The following MEF2B variants were observed in gnomAD, a reference collection of about 807,000 sequenced individuals.
MEF2B encodes the protein myocyte-specific enhancer factor 2B.
A neutral mutation model predicts 32.2 loss-of-function variants in MEF2B; 15 were observed. The ratio of observed to expected loss-of-function variants is 0.47; its 90% CI spans 0.31 to 0.72. The LOEUF is 0.72. MEF2B is among the 30% of genes least tolerant of loss of function. MEF2B has a pLI of 0.05. For missense variants in MEF2B, 441 were observed against 511.5 expected (o/e 0.86, Z 1.33); for synonymous variants, 205 against 225.6 (o/e 0.91, Z 0.82).
Position 19,146,339 on chromosome 19 carries a change from G to T in MEF2B, c.815C>A (p.Pro272His). Residue 272 changes from proline to histidine, a missense_variant, in exon 8 of 9, where the codon CCC becomes CAC. Transcript: ENST00000424583. ...DPPPPPGLLQ[P>H]PTLAPWQPSR... ...GGGCTGCCAGGGGGCCAGGGTGGGG[G>T]GCTGCAACAAGCCAGGGGGCGGTGG... is the stretch of plus-strand genomic sequence containing the variant. The T allele has an allele frequency of 5.8e-6, 7 of 1,217,354 alleles. No homozygotes were observed. The highest frequency in any genetic ancestry group is 7.6e-6 in the Non-Finnish European group (7 of 924,334). The allele number at this position is 1,217,354 out of a possible 1,614,324, so 75.4% of individuals were successfully genotyped here.
rs2060026260 is a variant in MEF2B at position 19,146,364 on chromosome 19, G to T, written c.790C>A (p.Pro264Thr). Residue 264 changes from proline to threonine, a missense_variant, in exon 8 of 9, where the codon CCA becomes ACA. Pro to Thr is a conservative substitution (Grantham distance 38). This residue lies in a region of MEF2B where 326 missense variants were observed against 328.4 expected (regional missense o/e 0.99). Transcript: ENST00000424583. Reference sequence around the variant, plus strand: ...GGCTGCAACAAGCCAGGGGGCGGTGGAGGGTCTCCCAGGCCATATTCTGGT... The same window carrying T: ...GGCTGCAACAAGCCAGGGGGCGGTGTAGGGTCTCCCAGGCCATATTCTGGT... The part of the protein sequence containing the change: ...GPPEYGLGDP[P>T]PPPGLLQPPT... 2 of 1,101,516 alleles carry T rather than the reference G, an allele frequency of 1.8e-6. No homozygotes were observed. The highest frequency in any genetic ancestry group is 1.6e-5 in the African/African-American group (1 of 61,344). 68.2% of individuals were successfully genotyped at this position (1,101,516 alleles called of 1,614,324 possible).
chr19:19,166,222 G>A (rs958133885), intron 1 of MEF2B, among the ~76,000 whole-genome samples: 3 of 152,066 alleles, frequency 2.0e-5, no homozygotes, highest in Non-Finnish European at 4.4e-5. Flanking sequence ...CCCCACCCAG[G>A]CTGGGAAGTG....
chr19:19,151,982 C>T (rs530454730), intron 1 of MEF2B, among the ~76,000 whole-genome samples: 8 of 113,936 alleles, frequency 7.0e-5, no homozygotes, highest in Non-Finnish European at 1.1e-4. Context: ...TTTTTTGAGA[C>T]GAGTTTTCAC....
chr19:19,158,143 A>G (rs1008900400), intron 1 of MEF2B, among the ~76,000 whole-genome samples: 1 of 150,542 alleles, frequency 6.6e-6, no homozygotes, highest in Non-Finnish European at 1.5e-5. Context: ...ACTGGAGTGC[A>G]GTGGCATGAT....
rs1202792889 is a variant in MEF2B, at chr19:19,145,959, T to TG, written c.944dup (p.Val316SerfsTer6). ...AGAGGCGCTCAGACTTGATGCTGAC[T>TG]GGGGGGGTCGGCGGGGAGGCGCCGC... On this transcript the variant is annotated frameshift_variant, in exon 9 of 9. Transcript: ENST00000424583. LOFTEE classifies it low-confidence loss of function (END_TRUNC). The surrounding 1 kb of genome is among the most constrained non-coding windows in gnomAD (Gnocchi z 4.6). 7.1e-6 allele frequency: 10 copies of TG among 1,410,066 alleles called. No individual in the cohort carries two copies. Among genetic ancestry groups the TG allele is most frequent in the Admixed American group, 3.1e-5 (1 of 31,846 alleles). 87.3% of individuals were successfully genotyped at this position (1,410,066 alleles called of 1,614,324 possible). A position where few individuals can be genotyped will look rare whatever the true frequency, so the allele number is the denominator to read the frequency against.
At chr19:19,159,941 AG>A in intron 1 of MEF2B, among the ~76,000 whole-genome samples, 1 of 144,088 alleles carries the variant, frequency 6.9e-6, no homozygotes, top group East Asian at 2.1e-4. Flanking sequence ...AGCTGGGAAG[AG>A]GGTAGGGAGC....
rs768050646 is a variant in MEF2B, at chr19:19,146,639, A to G, written c.685T>C (p.Tyr229His). Residue 229 changes from tyrosine (Y) to histidine (H), a missense_variant, in exon 7 of 9, where the codon TAC becomes CAC. Tyr to His is a moderately conservative substitution (Grantham distance 83). This residue lies in a region of MEF2B where 326 missense variants were observed against 328.4 expected (regional missense o/e 0.99). Transcript: ENST00000424583. Reference protein sequence around the residue: ...RGGLNTSRSLYSGLQNPCSTA... With the variant: ...RGGLNTSRSLHSGLQNPCSTA... ...GAGCAGGGGTTCTGCAGGCCACTGT[A>G]GAGGCTTCTCTGTGCGGAGAGAGGG... 9.3e-6 allele frequency: 15 copies of G among 1,613,010 alleles called. No homozygotes were observed. The Middle Eastern group carries it at 4.9e-4, about 53-fold the overall frequency.
At chr19:19,169,051 C>CA (rs947080387) in intron 1 of MEF2B, among the ~76,000 whole-genome samples, 4 of 151,040 alleles carry the variant, frequency 2.6e-5, no homozygotes, top group Admixed American at 6.6e-5. Flanking sequence ...GACTCTGTCT[C>CA]AAAAAAAATT....
intron 1 of MEF2B, among the ~76,000 whole-genome samples, chr19:19,158,180 C>T (rs968804297): frequency 1.2e-4 from 18 of 151,516 alleles, no homozygotes; most frequent in East Asian, 2.0e-4. Context: ...CTCCACTTCC[C>T]GAGTTCAAGC....
chr19:19,145,920 C>T lies in MEF2B; in HGVS notation c.984G>A (p.Gly328=). ...IKSERLSPAP[G]GPGDFPKTFP... ...AGGTCTTAGGAAAGTCGCCGGGGCC[C>T]CCGGGGGCCGGAGAGAGGCGCTCAG... The change falls in exon 9 of 9, where the codon GGG becomes GGA. Residue 328 remains glycine, a synonymous_variant. Transcript: ENST00000424583. The surrounding 1 kb of genome is among the most constrained non-coding windows in gnomAD (Gnocchi z 4.6). 6.9e-7 allele frequency: 1 copy of T among 1,440,854 alleles called. No individual in the cohort carries two copies. Among genetic ancestry groups the T allele is most frequent in the Non-Finnish European group, 9.1e-7 (1 of 1,096,276 alleles). 89.3% of individuals were successfully genotyped at this position (1,440,854 alleles called of 1,614,324 possible).
intron 1 of MEF2B, among the ~76,000 whole-genome samples, chr19:19,152,725 G>C (rs1212470645): frequency 1.3e-5 from 2 of 152,168 alleles, no homozygotes; most frequent in African/African-American, 4.8e-5. Flanking sequence ...AAGAAATCCA[G>C]ATTGTTCTCT....
Position 19,145,860 on chromosome 19 carries a change from T to C in MEF2B, c.1044A>G (p.Ala348=). The C allele has an allele frequency of 6.7e-7, 1 of 1,489,184 alleles. No homozygotes were observed. Among genetic ancestry groups the C allele is most frequent in the Non-Finnish European group, 8.9e-7 (1 of 1,117,378 alleles). 92.2% of individuals were successfully genotyped at this position (1,489,184 alleles called of 1,614,324 possible). A position where few individuals can be genotyped will look rare whatever the true frequency, so the allele number is the denominator to read the frequency against. The part of the protein sequence containing the change: ...PYPLLLARSL[A]EPLRPGPALR... ...GGGCGGGCCCAGGCCGCAGAGGCTC[T>C]GCCAGGGACCGGGCGAGGAGCAAGG... Residue 348 remains alanine, a synonymous_variant, in exon 9 of 9, where the codon GCA becomes GCG. Transcript: ENST00000424583. The surrounding 1 kb of genome is among the most constrained non-coding windows in gnomAD (Gnocchi z 4.6).
rs769182595 is a variant in MEF2B at position 19,149,228 on chromosome 19, C to T, written c.256G>A (p.Glu86Lys). The part of the protein sequence containing the change: ...HESRTNTDIL[E>K]TLKRRGIGLD... ...CTGGGGAGGAGGACCTGGGGTACCT[C>T]GAGGATGTCAGTGTTGGTGCGGCTC... The change falls in exon 3 of 9, where the codon GAG (glutamate) becomes AAG (lysine). Residue 86 changes from glutamate (E) to lysine (K), a missense_variant and splice_region_variant. Glu to Lys is a moderately conservative substitution (Grantham distance 56). Around this residue, in one of 2 missense-constraint regions of MEF2B, gnomAD observed 115 missense variants for 183.1 expected, o/e 0.63. Transcript: ENST00000424583. The T allele has an allele frequency of 1.6e-5, 26 of 1,613,492 alleles. No individual in the cohort carries two copies. Among genetic ancestry groups the T allele is most frequent in the African/African-American group, 2.7e-5 (2 of 74,856 alleles).
chr19:19,162,885 G>A lies in MEF2B; in HGVS notation c.-30+7320C>T, dbSNP rs370887653. On this transcript the variant is annotated intron_variant, in intron 1 of 8. Transcript: ENST00000424583. ...GCCTCGGTTTCCTGTGTTTGCAGGG[G>A]TCCCCACAAACTCCCCATGTACCCA... 3.9e-5 allele frequency among the ~76,000 whole-genome samples: 6 copies of A among 152,208 alleles called. No homozygotes were observed. In the South Asian group the frequency reaches 6.2e-4, roughly 16 times the overall value.
intron 1 of MEF2B, among the ~76,000 whole-genome samples, chr19:19,162,400 TG>T: frequency 6.6e-6 from 1 of 152,350 alleles, no homozygotes; most frequent in Non-Finnish European, 1.5e-5. Flanking sequence ...CCCTAAGTGC[TG>T]GGATTACGGG....
chr19:19,167,105 C>A (rs979211178), intron 1 of MEF2B, among the ~76,000 whole-genome samples: 1 of 151,936 alleles, frequency 6.6e-6, no homozygotes, highest in Non-Finnish European at 1.5e-5. Flanking sequence ...AATCCCAGGA[C>A]TTTGGGAGGC....
chr19:19,168,586 TTTTC>T (rs754342497), intron 1 of MEF2B, among the ~76,000 whole-genome samples: 1 of 150,934 alleles, frequency 6.6e-6, no homozygotes, highest in South Asian at 2.1e-4. Context: ...TTTTTGTTTC[TTTTC>T]TTTCTTTTTG....
At chr19:19,152,180 C>T (rs113344618) in intron 1 of MEF2B, among the ~76,000 whole-genome samples, 24,476 of 150,968 alleles carry the variant, frequency 0.16, 2,244 homozygotes, top group East Asian at 0.34. Context: ...AGGCTGGTCT[C>T]AAACTCCCGA....
intron 4 of MEF2B, among the ~76,000 whole-genome samples, chr19:19,147,396 G>A (rs1358966689): frequency 1.3e-5 from 1 of 74,474 alleles, no homozygotes; most frequent in Admixed American, 1.4e-4. Context: ...TGACAGGTAG[G>A]TCCAGAGCCA....
Sources: gnomAD v4.1 joint callset for allele counts (sites outside exome capture counted in the v4.1 genomes callset) on GRCh38, gnomAD v4.1.1 for gene constraint, gnomAD v4.1.1 regional missense constraint, Gnocchi (gnomAD v3.1) non-coding constraint, MANE v1.5 for transcripts, NCBI Gene and HGNC (gene_info 2026-07-23, HGNC 2026-07-21) for gene names.